Variants in SYNDIG1L observed in about 807,000 individuals in gnomAD.
The protein encoded by SYNDIG1L is synapse differentiation-inducing gene protein 1-like.
SYNDIG1L carries 13 observed loss-of-function variants against 20.1 expected under a neutral mutation model. The ratio of observed to expected loss-of-function variants is 0.65; its 90% confidence interval spans 0.42 to 1.03. The LOEUF (loss-of-function observed/expected upper bound fraction) is 1.03, where lower values mean the gene tolerates loss of function less well. SYNDIG1L is among the 50% of genes least tolerant of loss of function. The probability of loss-of-function intolerance (pLI) is 0.00; values close to 1 mark genes in which losing one functional copy is unlikely to be tolerated. For synonymous variants in SYNDIG1L, 128 were observed against 129.3 expected, an observed-to-expected ratio of 0.99 and a Z score of 0.07; for missense variants, 294 against 305.1, an observed-to-expected ratio of 0.96 and a Z score of 0.27.
the SYNDIG1L span, among the ~76,000 whole-genome samples, chr14:74,468,346 G>A: frequency 7.2e-5 from 11 of 152,232 alleles, no homozygotes; most frequent in Non-Finnish European, 1.6e-4. Context: ...GGGGTCTAGC[G>A]GCCTGCTCTT....
At chr14:74,412,090 G>A (rs1037251225) in intron 1 of SYNDIG1L, among the ~76,000 whole-genome samples, 4 of 152,202 alleles carry the variant, frequency 2.6e-5, no homozygotes, top group African/African-American at 9.6e-5. Context: ...GTTCTTCAGT[G>A]CTCACAAATG....
chr14:74,418,657 C>T (rs2086197042), intron 1 of SYNDIG1L, among the ~76,000 whole-genome samples: 1 of 152,182 alleles, frequency 6.6e-6, no homozygotes, highest in Non-Finnish European at 1.5e-5. Context: ...GCATAAAAGG[C>T]CATCTTTCAC....
the SYNDIG1L span, among the ~76,000 whole-genome samples, chr14:74,456,081 T>C: frequency 6.6e-6 from 1 of 152,238 alleles, no homozygotes; most frequent in Non-Finnish European, 1.5e-5. Context: ...GTTATATCGC[T>C]CAGCTCTCTT....
chr14:74,470,873 G>A, the SYNDIG1L span, among the ~76,000 whole-genome samples: 9 of 152,196 alleles, frequency 5.9e-5, no homozygotes, highest in Non-Finnish European at 1.2e-4. Context: ...TTAGGGCTTT[G>A]CAGTTTGGAT....
chr14:74,411,310 T>C (rs569569232), intron 1 of SYNDIG1L, among the ~76,000 whole-genome samples: 41 of 152,266 alleles, frequency 2.7e-4, no homozygotes, highest in Non-Finnish European at 4.9e-4. Flanking sequence ...GGGATGAGAA[T>C]GTGTGGTAGA....
At chr14:74,473,357 C>T in the SYNDIG1L span, among the ~76,000 whole-genome samples, 1 of 151,968 alleles carries the variant, frequency 6.6e-6, no homozygotes, top group African/African-American at 2.4e-5. Context: ...TGCACTCTAG[C>T]CTGGGCGACA....
chr14:74,463,731 C>A, the SYNDIG1L span, among the ~76,000 whole-genome samples: 1 of 152,202 alleles, frequency 6.6e-6, no homozygotes, highest in African/African-American at 2.4e-5. Context: ...GAAATATGAC[C>A]GACTGTTCTG....
chr14:74,431,730 A>G, the SYNDIG1L span, among the ~76,000 whole-genome samples: 1 of 152,174 alleles, frequency 6.6e-6, no homozygotes, highest in African/African-American at 2.4e-5. Flanking sequence ...CAGAAAGAGA[A>G]ACAAGAGGAA....
chr14:74,406,815 C>A lies in SYNDIG1L; in HGVS notation c.*720G>T, dbSNP rs1367951180. On this transcript the variant is annotated 3_prime_UTR_variant, in exon 4 of 4. Transcript: ENST00000331628. ...CATGTAGTACAGCAATATTTCAGGA[C>A]CCTCTATTCTCTGTCATTGCAACTG... The A allele has an allele frequency of 6.6e-6, 1 of 152,186 alleles. No individual in the cohort carries two copies. Among genetic ancestry groups the A allele is most frequent in the Admixed American group, 6.5e-5 (1 of 15,270 alleles). 9.4% of individuals were successfully genotyped at this position (152,186 alleles called of 1,614,324 possible).
At chr14:74,445,594 C>A in the SYNDIG1L span, among the ~76,000 whole-genome samples, 1 of 152,060 alleles carries the variant, frequency 6.6e-6, no homozygotes, top group African/African-American at 2.4e-5. Flanking sequence ...CCTGCCTCAG[C>A]CTCCTGAGTA....
the SYNDIG1L span, among the ~76,000 whole-genome samples, chr14:74,444,475 G>A: frequency 6.6e-6 from 1 of 152,076 alleles, no homozygotes; most frequent in East Asian, 1.9e-4. Context: ...ATAAGGCTGG[G>A]CATGGTGGCT....
intron 1 of SYNDIG1L, among the ~76,000 whole-genome samples, chr14:74,410,006 C>T (rs1357379863): frequency 6.6e-6 from 1 of 152,192 alleles, no homozygotes; most frequent in Non-Finnish European, 1.5e-5. Flanking sequence ...TAGTGCTTAC[C>T]CCACAGAGTT....
At chr14:74,414,834 C>T (rs8009890) in intron 1 of SYNDIG1L, among the ~76,000 whole-genome samples, 3,804 of 152,110 alleles carry the variant, frequency 0.025, 77 homozygotes, top group Admixed American at 0.043. Flanking sequence ...AGTCATGTCA[C>T]GCCAAACCGC....
the SYNDIG1L span, among the ~76,000 whole-genome samples, chr14:74,469,359 G>A: frequency 3.1e-5 from 4 of 130,016 alleles, no homozygotes; most frequent in South Asian, 2.8e-4. Flanking sequence ...ATCACACACC[G>A]GGGTCTGTCG....
chr14:74,408,761 G>T (rs1268018235), intron 2 of SYNDIG1L, among the ~76,000 whole-genome samples: 1 of 152,072 alleles, frequency 6.6e-6, no homozygotes, highest in Non-Finnish European at 1.5e-5. Context: ...TGTACAGCAA[G>T]ATTTCTTCTG....
chr14:74,452,513 T>C, the SYNDIG1L span, among the ~76,000 whole-genome samples: 8 of 152,206 alleles, frequency 5.3e-5, no homozygotes, highest in Non-Finnish European at 1.5e-5. Context: ...ATGTACTTGC[T>C]CCTCCTTGCC....
chr14:74,463,619 T>A, the SYNDIG1L span, among the ~76,000 whole-genome samples: 1 of 152,156 alleles, frequency 6.6e-6, no homozygotes, highest in Non-Finnish European at 1.5e-5. Flanking sequence ...GATACAGCTG[T>A]AATTAATGAG....
intron 1 of SYNDIG1L, among the ~76,000 whole-genome samples, chr14:74,422,222 T>C (rs1409992205): frequency 6.6e-6 from 1 of 151,308 alleles, no homozygotes; most frequent in Non-Finnish European, 1.5e-5. Flanking sequence ...TGCTGGGTGA[T>C]GGGGGTGGGG....
intron 1 of SYNDIG1L, among the ~76,000 whole-genome samples, chr14:74,412,899 ACTGTG>A (rs898081414): frequency 2.0e-5 from 3 of 152,246 alleles, no homozygotes; most frequent in African/African-American, 7.2e-5. Context: ...AGTCAGGTGC[ACTGTG>A]CTGTCACCAT....
Sources: allele counts gnomAD v4.1 joint callset (sites outside exome capture counted in the v4.1 genomes callset), GRCh38; gene constraint gnomAD v4.1.1; transcripts MANE v1.5; gene names NCBI Gene and HGNC (gene_info 2026-07-23, HGNC 2026-07-21).